The following PTH2R variants were observed in gnomAD, a reference collection of about 807,000 sequenced individuals.
PTH2R encodes the protein PTH2 receptor.
A neutral mutation model predicts 60.3 loss-of-function variants in PTH2R; 59 were observed. The observed-to-expected ratio is 0.98, with a 90% confidence interval of 0.79 to 1.22. The LOEUF is 1.22. Among genes scored for constraint, PTH2R ranks in the 50% most tolerant of loss-of-function variants. The probability of loss-of-function intolerance (pLI) is 0.00; values close to 1 mark genes in which losing one functional copy is unlikely to be tolerated. For synonymous variants in PTH2R, 256 were observed against 243.8 expected (o/e 1.05, Z -0.47); for missense variants, 749 against 682.6 (o/e 1.10, Z -1.08).
chr2:208,396,170 T>C (rs1701204195), intron 1 of PTH2R, among the ~76,000 whole-genome samples: 1 of 152,220 alleles, frequency 6.6e-6, no homozygotes, highest in Non-Finnish European at 1.5e-5. Context: ...TCAAGATGGA[T>C]TGAAGACTTA....
At chr2:208,376,800 C>T (rs1017911621) in intron 1 of PTH2R, among the ~76,000 whole-genome samples, 4 of 151,918 alleles carry the variant, frequency 2.6e-5, no homozygotes, top group East Asian at 1.9e-4. Flanking sequence ...CTCTTTTATC[C>T]GCCCCTCTTA....
At chr2:208,408,817 G>C (rs1287151687) in intron 1 of PTH2R, among the ~76,000 whole-genome samples, 1 of 151,274 alleles carries the variant, frequency 6.6e-6, no homozygotes, top group African/African-American at 2.4e-5. Context: ...ATTTTCTTTT[G>C]CTTTCAATAA....
intron 2 of PTH2R, among the ~76,000 whole-genome samples, chr2:208,434,411 C>T (rs1044133351): frequency 1.3e-5 from 2 of 152,080 alleles, no homozygotes; most frequent in African/African-American, 4.8e-5. Context: ...AAAAAATAAG[C>T]ATGATCTACA....
chr2:208,481,080 T>C lies in PTH2R; in HGVS notation c.992T>C (p.Ile331Thr). 6.2e-7 allele frequency: 1 copy of C among 1,600,822 alleles called. No individual in the cohort carries two copies. Among genetic ancestry groups the C allele is most frequent in the Non-Finnish European group, 8.5e-7 (1 of 1,170,234 alleles). Residue 331 changes from isoleucine (I) to threonine (T), a missense_variant, in exon 10 of 13, where the codon ATT (isoleucine) becomes ACT (threonine). Transcript: ENST00000272847. ...PILAAIGLNFILFLNTVRVLA... is the reference protein window; with the variant it reads ...PILAAIGLNFTLFLNTVRVLA... ...TACCTTCTTTTTCAGCTGAATTTTA[T>C]TCTGTTTCTGAATACGGTTAGAGTT...
intron 10 of PTH2R, among the ~76,000 whole-genome samples, chr2:208,481,974 T>A (rs1703163069): frequency 2.0e-5 from 3 of 152,234 alleles, no homozygotes. Flanking sequence ...GCATTTTGCA[T>A]AATTATCATT....
At chr2:208,428,835 A>G (rs1000477838) in intron 2 of PTH2R, among the ~76,000 whole-genome samples, 1 of 152,350 alleles carries the variant, frequency 6.6e-6, no homozygotes. Context: ...CTGTAATCCC[A>G]GCACTTTGGG....
intron 1 of PTH2R, among the ~76,000 whole-genome samples, chr2:208,368,279 T>C (rs11891163): frequency 0.13 from 19,535 of 152,130 alleles, 1,442 homozygotes; most frequent in African/African-American, 0.2. Context: ...GGACAATCTT[T>C]TTGTCCCATA....
chr2:208,440,757 T>C (rs1273127449), intron 4 of PTH2R, among the ~76,000 whole-genome samples: 2 of 152,074 alleles, frequency 1.3e-5, no homozygotes, highest in African/African-American at 4.8e-5. Flanking sequence ...TCCCAAGGAG[T>C]AAGCCCTAGT....
intron 1 of PTH2R, among the ~76,000 whole-genome samples, chr2:208,366,960 GT>G (rs1354128889): frequency 3.3e-5 from 5 of 152,128 alleles, no homozygotes; most frequent in Non-Finnish European, 7.4e-5. Flanking sequence ...CCTCACTTCT[GT>G]TTTCTGTATG....
chr2:208,359,722 A>AG (rs1393971551), exon 1 of PTH2R: 2 of 152,772 alleles, frequency 1.3e-5, no homozygotes, highest in African/African-American at 4.8e-5. Flanking sequence ...CCGTGCTCCG[A>AG]GGGACCACAG....
chr2:208,432,652 G>C (rs1444626249), intron 2 of PTH2R, among the ~76,000 whole-genome samples: 1 of 152,180 alleles, frequency 6.6e-6, no homozygotes, highest in Non-Finnish European at 1.5e-5. Flanking sequence ...TAGTGGCTCA[G>C]TTAAGTCCAA....
chr2:208,485,728 G>A (rs1014577094), intron 10 of PTH2R, among the ~76,000 whole-genome samples: 1 of 152,186 alleles, frequency 6.6e-6, no homozygotes, highest in African/African-American at 2.4e-5. Context: ...GCCCATGGGT[G>A]TATAAGCCTT....
chr2:208,493,909 T>C lies in PTH2R; in HGVS notation c.*250T>C, dbSNP rs1473196945. 6.1e-6 allele frequency: 2 copies of C among 326,786 alleles called. No homozygotes were observed. The highest frequency in any genetic ancestry group is 1.1e-5 in the Non-Finnish European group (2 of 185,290). 20.2% of individuals were successfully genotyped at this position (326,786 alleles called of 1,614,324 possible). ...CTAAATTAATGTATGGTATTTGCTC[T>C]GTGATTGTTCATTTTTTTCTGCTAC... On this transcript the variant is annotated 3_prime_UTR_variant, in exon 13 of 13. Transcript: ENST00000272847.
chr2:208,406,768 G>T (rs1189103381), upstream of PTH2R: 1 of 322,026 alleles, frequency 3.1e-6, no homozygotes, highest in Non-Finnish European at 5.6e-6. Context: ...CGCCGCAGGC[G>T]GCGCGGGGCT....
chr2:208,375,873 G>C (rs1700783426), intron 1 of PTH2R, among the ~76,000 whole-genome samples: 1 of 152,104 alleles, frequency 6.6e-6, no homozygotes, highest in Admixed American at 6.5e-5. Context: ...GGGAGTAAGA[G>C]AGAGCTGGCT....
intron 9 of PTH2R, among the ~76,000 whole-genome samples, chr2:208,464,376 T>C (rs1041735812): frequency 6.6e-6 from 1 of 152,188 alleles, no homozygotes; most frequent in East Asian, 1.9e-4. Flanking sequence ...AGGCAGACAG[T>C]AAGTTAGCAC....
chr2:208,403,580 G>A (rs1309169831), upstream of PTH2R, among the ~76,000 whole-genome samples: 1 of 152,210 alleles, frequency 6.6e-6, no homozygotes, highest in South Asian at 2.1e-4. Flanking sequence ...TGCAAGCACG[G>A]GAGTTCAATG....
At chr2:208,412,521 G>A (rs1386560230) in intron 1 of PTH2R, among the ~76,000 whole-genome samples, 2 of 152,184 alleles carry the variant, frequency 1.3e-5, no homozygotes, top group Non-Finnish European at 2.9e-5. Context: ...ATCATTGGCT[G>A]ATTTCATTTC....
chr2:208,385,267 CA>C (rs1700981973), intron 1 of PTH2R, among the ~76,000 whole-genome samples: 1 of 152,086 alleles, frequency 6.6e-6, no homozygotes, highest in African/African-American at 2.4e-5. Context: ...AGGACACGAA[CA>C]AGTTATTTAA....
Sources: allele counts gnomAD v4.1 joint callset (sites outside exome capture counted in the v4.1 genomes callset), GRCh38; gene constraint gnomAD v4.1.1; transcripts MANE v1.5; gene names NCBI Gene and HGNC (gene_info 2026-07-23, HGNC 2026-07-21).